The following TRAPPC9 variants were observed in gnomAD, a reference collection of about 807,000 sequenced individuals.
TRAPPC9 encodes trafficking protein particle complex subunit 9.
Under a neutral mutation model 124.0 loss-of-function variants are expected in TRAPPC9, and 83 were observed. The ratio of observed to expected loss-of-function variants is 0.67; its 90% CI spans 0.56 to 0.80. The LOEUF is 0.80. TRAPPC9 is among the 30% of genes least tolerant of loss of function. The pLI, the probability that TRAPPC9 is intolerant of heterozygous loss-of-function variation, is 0.00. For missense variants in TRAPPC9, 1,302 were observed against 1,508.3 expected, an observed-to-expected ratio of 0.86 and a Z score of 2.27; for synonymous variants, 638 against 617.5, an observed-to-expected ratio of 1.03 and a Z score of -0.49.
At chr8:140,035,008 T>C (rs544136418) in intron 17 of TRAPPC9, among the ~76,000 whole-genome samples, 14 of 152,346 alleles carry the variant, frequency 9.2e-5, no homozygotes, top group African/African-American at 3.1e-4. Context: ...TGGTGCTAAA[T>C]GCTGCATTCA....
In TRAPPC9 at chr8:140,241,596, G is replaced by A. The variant is rs1332233427; in HGVS notation, c.2431+11181C>T. On this transcript the variant is annotated intron_variant, in intron 16 of 22. Coordinates refer to ENST00000438773, the MANE Select transcript of TRAPPC9 (RefSeq NM_001160372.4). The surrounding 1 kb of genome is among the most constrained non-coding windows in gnomAD (Gnocchi z 5.0). Reference sequence around the variant, plus strand: ...TGTAGTCCCAGCTATTCGGAAGGCTGAGACAGGAGAATCGCTTAAGCCCGG... The same window carrying A: ...TGTAGTCCCAGCTATTCGGAAGGCTAAGACAGGAGAATCGCTTAAGCCCGG... Among the ~76,000 whole-genome samples, 7 of 151,990 alleles carry A rather than the reference G, an allele frequency of 4.6e-5. No homozygotes were observed. The highest frequency in any genetic ancestry group is 1.7e-4 in the African/African-American group (7 of 41,348).
intron 17 of TRAPPC9, among the ~76,000 whole-genome samples, chr8:140,205,656 G>A (rs897040099): frequency 6.6e-6 from 1 of 152,184 alleles, no homozygotes; most frequent in East Asian, 1.9e-4. Flanking sequence ...AGATGAGGAG[G>A]AGGAATCCCC....
chr8:140,248,618 G>A (rs577116861), intron 16 of TRAPPC9, among the ~76,000 whole-genome samples: 1 of 152,316 alleles, frequency 6.6e-6, no homozygotes, highest in South Asian at 2.1e-4. Flanking sequence ...TGTTCAGTCT[G>A]TTTGACTGAA....
At chr8:139,960,456 AC>A (rs1835304533) in intron 19 of TRAPPC9, among the ~76,000 whole-genome samples, 1 of 151,730 alleles carries the variant, frequency 6.6e-6, no homozygotes, top group South Asian at 2.1e-4. Flanking sequence ...TGAACTGGCC[AC>A]CCCTCCTTGG....
chr8:139,841,156 C>T (rs570567191), intron 21 of TRAPPC9, among the ~76,000 whole-genome samples: 28 of 152,300 alleles, frequency 1.8e-4, no homozygotes, highest in African/African-American at 6.7e-4. Context: ...CACATCCCCT[C>T]GCCCCCGGCT....
chr8:139,996,419 G>C (rs186302323), intron 18 of TRAPPC9, among the ~76,000 whole-genome samples: 1 of 151,928 alleles, frequency 6.6e-6, no homozygotes, highest in African/African-American at 2.4e-5. Context: ...GGGGGTGGTG[G>C]GGGAACTCTA....
chr8:140,439,349 T>C (rs961214006), intron 2 of TRAPPC9, 152 bp from the exon 3 acceptor site: 6 of 873,236 alleles, frequency 6.9e-6, no homozygotes, highest in Non-Finnish European at 1.0e-5. Context: ...TCATTGCCAG[T>C]TATGTGAGCT....
chr8:139,971,983 G>A (rs970145758), intron 19 of TRAPPC9, among the ~76,000 whole-genome samples: 9 of 151,970 alleles, frequency 5.9e-5, no homozygotes, highest in East Asian at 3.9e-4. Flanking sequence ...CACCATGCCC[G>A]CCTAAATTTT....
intron 19 of TRAPPC9, among the ~76,000 whole-genome samples, chr8:139,937,559 G>C (rs1303258574): frequency 6.6e-6 from 1 of 152,102 alleles, no homozygotes. Flanking sequence ...CCGGTGCTGG[G>C]GCCAGTGGGG....
intron 17 of TRAPPC9, among the ~76,000 whole-genome samples, chr8:140,136,355 G>A (rs1382261027): frequency 2.0e-5 from 3 of 152,226 alleles, no homozygotes; most frequent in Non-Finnish European, 4.4e-5. Flanking sequence ...AGGCCCGGCT[G>A]CCTGGCAGGC....
At chr8:140,059,341 T>A (rs1480634710) in intron 17 of TRAPPC9, among the ~76,000 whole-genome samples, 1 of 152,228 alleles carries the variant, frequency 6.6e-6, no homozygotes, top group Non-Finnish European at 1.5e-5. Context: ...CTACAACTAT[T>A]GATTTATATA....
At chr8:139,872,429 C>A (rs1194724971) in intron 21 of TRAPPC9, among the ~76,000 whole-genome samples, 16 of 106,318 alleles carry the variant, frequency 1.5e-4, no homozygotes, top group African/African-American at 4.0e-4. Context: ...GATGGATGGG[C>A]TGGTGGATGG....
At chr8:139,947,057 A>G (rs781464136) in intron 19 of TRAPPC9, among the ~76,000 whole-genome samples, 2 of 152,182 alleles carry the variant, frequency 1.3e-5, no homozygotes, top group African/African-American at 2.4e-5. Context: ...CACCCTGCGT[A>G]AGGAAATGGA....
chr8:139,941,656 A>C (rs761871734), intron 19 of TRAPPC9, among the ~76,000 whole-genome samples: 6 of 152,238 alleles, frequency 3.9e-5, no homozygotes, highest in Non-Finnish European at 8.8e-5. Context: ...TATCTACAAC[A>C]GACTGGTTTG....
intron 4 of TRAPPC9, among the ~76,000 whole-genome samples, chr8:140,428,486 G>A (rs2070507207): frequency 6.6e-6 from 1 of 152,168 alleles, no homozygotes; most frequent in South Asian, 2.1e-4. Flanking sequence ...CACACCAAAT[G>A]CTGGTTTCTA....
intron 18 of TRAPPC9, among the ~76,000 whole-genome samples, chr8:139,990,201 G>A (rs1401441487): frequency 3.9e-5 from 6 of 152,122 alleles, no homozygotes; most frequent in African/African-American, 7.2e-5. Flanking sequence ...AGGGACAATC[G>A]CCTGTGACTT....
chr8:140,279,195 C>T (rs1318544250), intron 14 of TRAPPC9, among the ~76,000 whole-genome samples: 2 of 152,166 alleles, frequency 1.3e-5, no homozygotes, highest in African/African-American at 4.8e-5. Flanking sequence ...TATTACAGGG[C>T]CAGTTAGCAA....
intron 17 of TRAPPC9, among the ~76,000 whole-genome samples, 168 bp downstream of exon 17, chr8:140,221,291 C>A (rs1318286246): frequency 1.3e-5 from 2 of 152,250 alleles, no homozygotes; most frequent in African/African-American, 4.8e-5. Flanking sequence ...TCAAGCTTCA[C>A]TGTGACGGCT....
chr8:139,994,058 T>A (rs1837811046), intron 18 of TRAPPC9, among the ~76,000 whole-genome samples: 1 of 152,252 alleles, frequency 6.6e-6, no homozygotes, highest in South Asian at 2.1e-4. Flanking sequence ...ACTTGAAATG[T>A]CTTATAAAAA....
Sources: gnomAD v4.1 joint callset for allele counts (sites outside exome capture counted in the v4.1 genomes callset) on GRCh38, gnomAD v4.1.1 for gene constraint, Gnocchi (gnomAD v3.1) non-coding constraint, MANE v1.5 for transcripts, NCBI Gene and HGNC (gene_info 2026-07-23, HGNC 2026-07-21) for gene names.